ZNF469: variants seen among roughly 807,000 people sequenced by gnomAD.
ZNF469 encodes zinc finger protein 469.
A neutral mutation model predicts 1.0 loss-of-function variants in ZNF469; 1 was observed. The observed-to-expected ratio is 1.00, with a 90% CI of 0.35 to 4.73. The LOEUF (loss-of-function observed/expected upper bound fraction) is 4.73, where lower values mean the gene tolerates loss of function less well. Ranked by LOEUF, ZNF469 falls within the 30% of genes most tolerant of loss-of-function variation. The probability of loss-of-function intolerance (pLI) is 0.16; values close to 1 mark genes in which losing one functional copy is unlikely to be tolerated. For synonymous variants in ZNF469, 2,703 were observed against 2,363.4 expected (o/e 1.14, Z -4.17); for missense variants, 6,100 against 5,356.3 (o/e 1.14, Z -4.33).
At chr16:88,346,687 T>C in the ZNF469 span, among the ~76,000 whole-genome samples, 1 of 152,110 alleles carries the variant, frequency 6.6e-6, no homozygotes, top group Admixed American at 6.5e-5. Flanking sequence ...CTGGCTAATT[T>C]TTTAATTTTT....
chr16:88,222,883 G>A, the ZNF469 span, among the ~76,000 whole-genome samples: 1 of 151,324 alleles, frequency 6.6e-6, no homozygotes, highest in Non-Finnish European at 1.5e-5. Context: ...ATAGGCATGG[G>A]CCACCACACT....
At chr16:88,304,608 G>A in the ZNF469 span, among the ~76,000 whole-genome samples, 239 of 152,318 alleles carry the variant, frequency 1.6e-3, 1 homozygote, top group African/African-American at 5.6e-3. Flanking sequence ...AGCTGCTTCT[G>A]CTCTCTGTGG....
rs949790320 is a variant in ZNF469 at position 88,429,486 on chromosome 16, C to T, written c.2016C>T (p.Pro672=). The change falls in exon 3 of 3, where the codon CCC becomes CCT. Residue 672 remains proline (P), a synonymous_variant. Transcript: ENST00000565624. ...QPEPAKAFPF[P]ADGLGAEGAF... Reference sequence around the variant, plus strand: ...AGCCAGCCAAGGCCTTCCCTTTTCCCGCAGATGGGCTGGGAGCCGAGGGTG... The same window carrying T: ...AGCCAGCCAAGGCCTTCCCTTTTCCTGCAGATGGGCTGGGAGCCGAGGGTG... 2.6e-5 allele frequency: 40 copies of T among 1,549,994 alleles called. No homozygotes were observed. Among genetic ancestry groups the T allele is most frequent in the Admixed American group, 7.8e-5 (4 of 50,984 alleles).
chr16:88,317,869 G>A, the ZNF469 span, among the ~76,000 whole-genome samples: 4 of 152,194 alleles, frequency 2.6e-5, no homozygotes, highest in East Asian at 3.9e-4. Flanking sequence ...CCGCTGAACC[G>A]GGCCTGTCTC....
At chr16:88,396,807 G>A (rs1318014804) in intron 1 of ZNF469, among the ~76,000 whole-genome samples, 2 of 149,050 alleles carry the variant, frequency 1.3e-5, no homozygotes, top group East Asian at 4.0e-4. Flanking sequence ...GAGAAGGGAG[G>A]CCAGGCAGAG....
At chr16:88,274,143 C>T in the ZNF469 span, among the ~76,000 whole-genome samples, 1 of 152,240 alleles carries the variant, frequency 6.6e-6, no homozygotes, top group African/African-American at 2.4e-5. Context: ...CTGACACATG[C>T]TACTGCATGG....
chr16:88,436,925 G>A lies in ZNF469; in HGVS notation c.9455G>A (p.Arg3152Lys). 2.0e-6 allele frequency: 3 copies of A among 1,495,890 alleles called. No homozygotes were observed. The highest frequency in any genetic ancestry group is 2.7e-6 in the Non-Finnish European group (3 of 1,124,014). The allele number at this position is 1,495,890 out of a possible 1,614,324, so 92.7% of individuals were successfully genotyped here. ...ACCTGCTACATGTGCGTGGAGCGCA[G>A]GTTTGGCTCGCGGGAGCTGCTGCGG... Reference protein sequence around the residue: ...PPTCYMCVERRFGSRELLRGH... With the variant: ...PPTCYMCVERKFGSRELLRGH... Residue 3152 changes from arginine to lysine, a missense_variant, in exon 3 of 3, where the codon AGG becomes AAG. Physicochemically the swap from Arg to Lys is conservative, Grantham distance 26 (BLOSUM62 2). Coordinates refer to ENST00000565624, the MANE Select transcript of ZNF469 (RefSeq NM_001367624.2).
chr16:88,246,395 G>C, the ZNF469 span, among the ~76,000 whole-genome samples: 2 of 152,176 alleles, frequency 1.3e-5, no homozygotes, highest in Admixed American at 6.5e-5. Flanking sequence ...GGAGCTGGGG[G>C]ACCAGGAACC....
chr16:88,378,431 C>T (rs2092514274), upstream of ZNF469, among the ~76,000 whole-genome samples: 1 of 152,214 alleles, frequency 6.6e-6, no homozygotes, highest in Non-Finnish European at 1.5e-5. Context: ...TCGCTGTCCT[C>T]TGTGCTTGCA....
chr16:88,247,967 G>A, the ZNF469 span, among the ~76,000 whole-genome samples: 5 of 152,152 alleles, frequency 3.3e-5, no homozygotes, highest in African/African-American at 9.7e-5. Flanking sequence ...TTCAGTGGTC[G>A]TCCCAAGCTG....
chr16:88,230,326 C>G, the ZNF469 span, among the ~76,000 whole-genome samples: 1 of 152,220 alleles, frequency 6.6e-6, no homozygotes, highest in Non-Finnish European at 1.5e-5. Context: ...GAGGCGGCCT[C>G]TGGCCTCTGG....
Position 88,432,215 on chromosome 16 carries a change from G to A in ZNF469, c.4745G>A (p.Arg1582His), listed in dbSNP as rs758312819. 36 of 1,549,878 alleles carry A rather than the reference G, an allele frequency of 2.3e-5. No individual in the cohort carries two copies. The highest frequency in any genetic ancestry group is 1.1e-4 in the African/African-American group (8 of 73,060). Residue 1582 changes from arginine to histidine, a missense_variant, in exon 3 of 3, where the codon CGT becomes CAT. Arg to His is a conservative substitution (Grantham distance 29). Transcript: ENST00000565624. ...ESQLQRSKDT[R>H]GAPRELAEAE... ...CAGCTGCAAAGGAGCAAAGACACAC[G>A]TGGGGCCCCGAGAGAGCTTGCAGAA...
chr16:88,254,114 G>C, the ZNF469 span, among the ~76,000 whole-genome samples: 1 of 152,084 alleles, frequency 6.6e-6, no homozygotes, highest in Non-Finnish European at 1.5e-5. Flanking sequence ...ATATTCTCTA[G>C]TGTTTTCTTC....
At chr16:88,118,363 C>T in the ZNF469 span, among the ~76,000 whole-genome samples, 1 of 152,196 alleles carries the variant, frequency 6.6e-6, no homozygotes, top group African/African-American at 2.4e-5. Context: ...ACGGGCTCTC[C>T]ATAGCCCCAC....
At chr16:88,217,578 C>T in the ZNF469 span, among the ~76,000 whole-genome samples, 3 of 127,634 alleles carry the variant, frequency 2.4e-5, no homozygotes, top group South Asian at 9.5e-4. Context: ...TCTCCCAATG[C>T]TATCCCTCCC....
chr16:88,178,650 G>T, the ZNF469 span: 1 of 152,094 alleles, frequency 6.6e-6, no homozygotes, highest in Non-Finnish European at 1.5e-5. Flanking sequence ...TGCTGCACTG[G>T]AAGAGCAAAA....
At chr16:88,316,545 C>CTTTTTTTTTTTTT in the ZNF469 span, among the ~76,000 whole-genome samples, 36 of 100,988 alleles carry the variant, frequency 3.6e-4, 3 homozygotes, top group African/African-American at 1.4e-3. Context: ...TAGGTGCTGT[C>CTTTTTTTTTTTTT]TTTTTTTTTT....
chr16:88,238,572 C>T, the ZNF469 span, among the ~76,000 whole-genome samples: 1 of 152,232 alleles, frequency 6.6e-6, no homozygotes, highest in Non-Finnish European at 1.5e-5. Flanking sequence ...GGCCACTGTC[C>T]AGGTCCTCTC....
At chr16:88,393,551 C>A (rs926629384) in intron 1 of ZNF469, among the ~76,000 whole-genome samples, 1 of 152,232 alleles carries the variant, frequency 6.6e-6, no homozygotes, top group Non-Finnish European at 1.5e-5. Context: ...GGGCAGAGCC[C>A]AGGAGCCCAT....
Sources: gnomAD v4.1 joint callset for allele counts (sites outside exome capture counted in the v4.1 genomes callset) on GRCh38, gnomAD v4.1.1 for gene constraint, MANE v1.5 for transcripts, NCBI Gene and HGNC (gene_info 2026-07-23, HGNC 2026-07-21) for gene names.